PDE1C: variants seen among roughly 807,000 people sequenced by gnomAD.
The protein encoded by PDE1C is phosphodiesterase 1C, also known as dual specificity calcium/calmodulin-dependent 3',5'-cyclic nucleotide phosphodiesterase 1C.
In PDE1C, 62 loss-of-function variants were observed where a neutral mutation model predicts 93.1. The observed-to-expected ratio is 0.67, with a 90% CI of 0.54 to 0.82. PDE1C has a LOEUF of 0.82. Among genes scored for constraint, PDE1C ranks in the 40% least tolerant of loss-of-function variants. The pLI is 0.00. For missense variants in PDE1C, 742 were observed against 884.6 expected (o/e 0.84, Z 2.04); for synonymous variants, 325 against 310.1 (o/e 1.05, Z -0.50).
At chr7:32,089,469 A>G (rs1584742044) in intron 3 of PDE1C, among the ~76,000 whole-genome samples, 3 of 152,316 alleles carry the variant, frequency 2.0e-5, no homozygotes, top group Non-Finnish European at 2.9e-5. Context: ...TGATTTTGCA[A>G]TTACCAACCA....
intron 7 of PDE1C, among the ~76,000 whole-genome samples, chr7:31,859,307 T>C (rs1319477554): frequency 6.7e-6 from 1 of 149,760 alleles, no homozygotes; most frequent in Non-Finnish European, 1.5e-5. Flanking sequence ...TAAATCCCAG[T>C]ATTATAGACT....
intron 11 of PDE1C, 138 bp from the exon 12 acceptor site, chr7:31,828,511 T>G: frequency 1.7e-6 from 1 of 590,406 alleles, no homozygotes; most frequent in Non-Finnish European, 3.0e-6. Context: ...TAAGTCTTTA[T>G]GGAGCCTGCT....
the PDE1C span, among the ~76,000 whole-genome samples, chr7:31,680,763 G>A: frequency 6.6e-6 from 1 of 152,186 alleles, no homozygotes; most frequent in Non-Finnish European, 1.5e-5. Context: ...GTATAGACCA[G>A]GACCCAGAGG....
rs1004847753 is a variant in PDE1C, at chr7:32,182,304, C to G, written c.137-12348G>C. Among the ~76,000 whole-genome samples the G allele has an allele frequency of 4.6e-5, 7 of 152,208 alleles. No homozygotes were observed. In the East Asian group the frequency reaches 1.3e-3, roughly 29 times the overall value. On this transcript the variant is annotated intron_variant, in intron 2 of 18. Transcript: ENST00000396193. ...ATCCTTCCCAACTCATTTTATGAAG[C>G]CAGCATTATCCTGATACCAAAGCCT...
At chr7:32,408,834 T>C (rs907370263) in intron 1 of PDE1C, among the ~76,000 whole-genome samples, 8 of 152,236 alleles carry the variant, frequency 5.3e-5, no homozygotes, top group African/African-American at 1.9e-4. Context: ...AAAAGACTAC[T>C]CAACTCTAAA....
chr7:31,648,086 CT>C, the PDE1C span, among the ~76,000 whole-genome samples: 2 of 151,868 alleles, frequency 1.3e-5, no homozygotes, highest in African/African-American at 4.8e-5. Flanking sequence ...AAAATGAGAT[CT>C]ATCAGAAATA....
the PDE1C span, among the ~76,000 whole-genome samples, chr7:31,727,734 A>T: frequency 6.6e-6 from 1 of 152,188 alleles, no homozygotes; most frequent in Admixed American, 6.5e-5. Context: ...AGATGTGTGC[A>T]TATAAATCAA....
chr7:31,743,905 C>T, the PDE1C span, among the ~76,000 whole-genome samples: 1 of 152,032 alleles, frequency 6.6e-6, no homozygotes. Flanking sequence ...TCATGGGCTG[C>T]TATATCTCCA....
intron 1 of PDE1C, among the ~76,000 whole-genome samples, chr7:32,236,818 T>TCACACAAA (rs1683858265): frequency 1.3e-5 from 2 of 152,292 alleles, no homozygotes; most frequent in South Asian, 4.1e-4. Flanking sequence ...AAATTTATAA[T>TCACACAAA]CACACAAAAA....
intron 2 of PDE1C, among the ~76,000 whole-genome samples, chr7:32,024,982 C>T (rs1789221734): frequency 6.6e-6 from 1 of 152,084 alleles, no homozygotes; most frequent in Non-Finnish European, 1.5e-5. Context: ...AGGGTATCTA[C>T]TCGGGGGGCT....
intron 2 of PDE1C, among the ~76,000 whole-genome samples, chr7:31,982,693 T>G (rs1812552432): frequency 6.6e-6 from 1 of 152,074 alleles, no homozygotes; most frequent in African/African-American, 2.4e-5. Flanking sequence ...ACCAACTCAC[T>G]ATAACAATTG....
chr7:31,645,376 C>T, the PDE1C span, among the ~76,000 whole-genome samples: 2 of 152,076 alleles, frequency 1.3e-5, no homozygotes, highest in African/African-American at 2.4e-5. Context: ...TTGCAAGACT[C>T]CCAGGCATTT....
chr7:31,856,784 A>T (rs1268158673), intron 7 of PDE1C, among the ~76,000 whole-genome samples: 6 of 150,652 alleles, frequency 4.0e-5, no homozygotes, highest in African/African-American at 1.5e-4. Context: ...TGGCTCCCGT[A>T]CTGTACTCAG....
At chr7:31,918,909 T>C (rs1802267452) in intron 2 of PDE1C, among the ~76,000 whole-genome samples, 1 of 152,194 alleles carries the variant, frequency 6.6e-6, no homozygotes, top group Non-Finnish European at 1.5e-5. Flanking sequence ...ATGGCTAAGT[T>C]CCCTGGTGGG....
chr7:31,672,546 C>T, the PDE1C span, among the ~76,000 whole-genome samples: 2 of 151,858 alleles, frequency 1.3e-5, no homozygotes, highest in Non-Finnish European at 2.9e-5. Flanking sequence ...TTGACCTTCT[C>T]TGATTTCTTT....
chr7:31,860,813 T>G (rs1260202006), intron 7 of PDE1C, among the ~76,000 whole-genome samples: 1 of 152,212 alleles, frequency 6.6e-6, no homozygotes, highest in East Asian at 1.9e-4. Context: ...TCATTTTTTC[T>G]TCTAATATGA....
chr7:32,042,724 A>G (rs1164503604), intron 2 of PDE1C, among the ~76,000 whole-genome samples: 1 of 152,164 alleles, frequency 6.6e-6, no homozygotes, highest in African/African-American at 2.4e-5. Flanking sequence ...GGTACAGACT[A>G]TGTCACCTGC....
chr7:32,262,946 ACT>A (rs1810317576), intron 1 of PDE1C, among the ~76,000 whole-genome samples: 1 of 152,118 alleles, frequency 6.6e-6, no homozygotes, highest in African/African-American at 2.4e-5. Context: ...TTCATTCAAG[ACT>A]CTACAAAATT....
chr7:32,003,454 C>G (rs1304589869), intron 2 of PDE1C, among the ~76,000 whole-genome samples: 1 of 152,206 alleles, frequency 6.6e-6, no homozygotes, highest in Non-Finnish European at 1.5e-5. Flanking sequence ...CTGTGTGGTT[C>G]AAGATAAAAC....
Sources: gnomAD v4.1 joint callset for allele counts (sites outside exome capture counted in the v4.1 genomes callset) on GRCh38, gnomAD v4.1.1 for gene constraint, MANE v1.5 for transcripts, NCBI Gene and HGNC (gene_info 2026-07-23, HGNC 2026-07-21) for gene names.